Variants in FAM228B observed in about 807,000 individuals in gnomAD.
FAM228B encodes protein FAM228B.
In FAM228B, 38 loss-of-function variants were observed where a neutral mutation model predicts 42.6. The ratio of observed to expected loss-of-function variants is 0.89; its 90% CI spans 0.69 to 1.17. FAM228B has a LOEUF of 1.17. FAM228B is among the 50% of genes most tolerant of loss of function. The pLI is 0.00. For missense variants in FAM228B, 344 were observed against 367.3 expected (o/e 0.94, Z 0.52); for synonymous variants, 109 against 122.3 (o/e 0.89, Z 0.72).
rs1666696603 is a variant in FAM228B, at chr2:24,139,449, AG to A, written c.441+1del. 6.5e-7 allele frequency: 1 copy of A among 1,536,638 alleles called. No individual in the cohort carries two copies. Among genetic ancestry groups the A allele is most frequent in the Admixed American group, 2.0e-5 (1 of 50,584 alleles). The part of the protein sequence containing the change: ...YMSKKDPNFL[K>X]VTIPPFHDPL... ...AGCAAGAAGGACCCCAATTTTCTGA[AG>A]GTAGGGTAGATTTCTTTTTTTTAAC... On this transcript the variant is annotated frameshift_variant and splice_region_variant, in exon 5 of 11. Transcript: ENST00000615575. LOFTEE classifies it high-confidence loss of function.
intron 7 of FAM228B, among the ~76,000 whole-genome samples, chr2:24,150,814 T>C (rs1408278214): frequency 6.6e-6 from 1 of 152,184 alleles, no homozygotes; most frequent in Non-Finnish European, 1.5e-5. Context: ...TGGAGCTCCA[T>C]TGTATGTTAT....
At chr2:24,115,655 T>TA (rs1171837108) in intron 3 of FAM228B, 2 of 1,587,138 alleles carry the variant, frequency 1.3e-6, no homozygotes, top group Non-Finnish European at 1.7e-6. Flanking sequence ...AGCTGCAAAT[T>TA]ATCACTACAA....
chr2:24,159,061 T>A (rs1453095920), intron 7 of FAM228B, among the ~76,000 whole-genome samples: 2 of 152,174 alleles, frequency 1.3e-5, no homozygotes, highest in Non-Finnish European at 1.5e-5. Context: ...CTTCACATGG[T>A]CTTCTCTCTG....
At chr2:24,139,076 A>T (rs548529601) in intron 4 of FAM228B, among the ~76,000 whole-genome samples, 37 of 152,208 alleles carry the variant, frequency 2.4e-4, no homozygotes, top group Admixed American at 2.1e-3. Flanking sequence ...GCATTTTTTT[A>T]AAATCTGAGA....
intron 2 of FAM228B, among the ~76,000 whole-genome samples, chr2:24,132,166 C>A (rs188934127): frequency 6.6e-6 from 1 of 152,160 alleles, no homozygotes; most frequent in Non-Finnish European, 1.5e-5. Flanking sequence ...AGCCTTGCAA[C>A]GCAGGGATGA....
chr2:24,145,392 G>C (rs932088586), intron 5 of FAM228B, among the ~76,000 whole-genome samples: 1 of 152,170 alleles, frequency 6.6e-6, no homozygotes, highest in Non-Finnish European at 1.5e-5. Flanking sequence ...AAGAAATATG[G>C]AGACTATACT....
At chr2:24,111,465 C>T (rs539375995) in intron 3 of FAM228B, among the ~76,000 whole-genome samples, 34 of 152,298 alleles carry the variant, frequency 2.2e-4, no homozygotes, top group Non-Finnish European at 3.8e-4. Flanking sequence ...TATCTCTGCT[C>T]CTGTCCATTC....
At chr2:24,109,994 T>G (rs1177452181) in intron 3 of FAM228B, among the ~76,000 whole-genome samples, 2 of 152,228 alleles carry the variant, frequency 1.3e-5, no homozygotes, top group Admixed American at 6.5e-5. Context: ...ATATGTCCAC[T>G]GCAGCCTATT....
At chr2:24,167,568 G>A in intron 9 of FAM228B, 59 bp from the exon 10 acceptor site, 1 of 1,549,008 alleles carries the variant, frequency 6.5e-7, no homozygotes, top group African/African-American at 1.4e-5. Flanking sequence ...AGTCTGTTCA[G>A]TAACTAATAT....
At chr2:24,143,653 G>GT (rs1248527594) in intron 5 of FAM228B, among the ~76,000 whole-genome samples, 3 of 152,164 alleles carry the variant, frequency 2.0e-5, no homozygotes, top group Non-Finnish European at 4.4e-5. Flanking sequence ...GTAAAACAGT[G>GT]TTACTCTTCT....
intron 2 of FAM228B, among the ~76,000 whole-genome samples, chr2:24,128,983 T>C (rs908016330): frequency 6.6e-6 from 1 of 152,140 alleles, no homozygotes; most frequent in Non-Finnish European, 1.5e-5. Flanking sequence ...CTGTGTGACC[T>C]CTAGGGATTG....
chr2:24,112,196 C>T (rs1665808241), intron 3 of FAM228B, among the ~76,000 whole-genome samples: 1 of 151,532 alleles, frequency 6.6e-6, no homozygotes, highest in African/African-American at 2.4e-5. Context: ...AGTGGAATGT[C>T]AACTCTATGC....
intron 5 of FAM228B, among the ~76,000 whole-genome samples, chr2:24,141,321 G>A (rs1443893151): frequency 2.0e-5 from 3 of 152,138 alleles, no homozygotes; most frequent in Non-Finnish European, 4.4e-5. Flanking sequence ...TTGGCTTACT[G>A]CAACCTCCGC....
At chr2:24,156,874 C>T (rs1667162443) in intron 7 of FAM228B, among the ~76,000 whole-genome samples, 1 of 142,438 alleles carries the variant, frequency 7.0e-6, no homozygotes, top group African/African-American at 2.6e-5. Context: ...CTTTATTTCT[C>T]TTCTGCCGGG....
At chr2:24,127,172 G>T (rs1008620634) in intron 2 of FAM228B, among the ~76,000 whole-genome samples, 46 of 152,126 alleles carry the variant, frequency 3.0e-4, no homozygotes, top group African/African-American at 9.9e-4. Context: ...TGTCTACTCT[G>T]GACATTTTAT....
At chr2:24,115,703 C>T (rs1665892901) in intron 3 of FAM228B, 6 of 1,396,158 alleles carry the variant, frequency 4.3e-6, no homozygotes, top group East Asian at 4.6e-5. Flanking sequence ...ACAAACATTG[C>T]CAGGTGACTG....
chr2:24,084,273 C>G lies in FAM228B; in HGVS notation c.-210+3318C>G, dbSNP rs751570459. ...CCCCCGGGCTCGGCTTGGCCACCTCCTTCACGTAGAGGTTTTCCGGTCCTC... is the reference window on the plus strand; with the variant it reads ...CCCCCGGGCTCGGCTTGGCCACCTCGTTCACGTAGAGGTTTTCCGGTCCTC... On this transcript the variant is annotated intron_variant, in intron 2 of 10. Coordinates refer to the FAM228B transcript ENST00000613899. This position sits in a 1 kb window ranked among gnomAD's most constrained non-coding sequence, Gnocchi z 8.4. 1 of 1,614,192 alleles carries G rather than the reference C, an allele frequency of 6.2e-7. No homozygotes were observed. Among genetic ancestry groups the G allele is most frequent in the Non-Finnish European group, 8.5e-7 (1 of 1,180,016 alleles).
intron 3 of FAM228B, chr2:24,096,803 G>A (rs1460467872): frequency 6.6e-6 from 1 of 152,138 alleles, no homozygotes; most frequent in Non-Finnish European, 1.5e-5. Flanking sequence ...GATACTCCTT[G>A]AGAAGAGCAA....
intron 4 of FAM228B, 57 bp from the exon 5 acceptor site, chr2:24,139,313 C>T (rs1437249790): frequency 1.9e-6 from 2 of 1,060,618 alleles, no homozygotes; most frequent in Non-Finnish European, 2.8e-6. Context: ...TCCTGATATG[C>T]TCAAAATTAA....
Sources: allele counts gnomAD v4.1 joint callset (sites outside exome capture counted in the v4.1 genomes callset), GRCh38; gene constraint gnomAD v4.1.1; non-coding constraint Gnocchi (gnomAD v3.1); transcripts MANE v1.5; gene names NCBI Gene and HGNC (gene_info 2026-07-23, HGNC 2026-07-21).